Variants in EYS observed in about 807,000 individuals in gnomAD.
EYS encodes the protein EGF-like photoreceptor maintenance factor, also known as protein eyes shut homolog.
In EYS, 250 loss-of-function variants were observed where a neutral mutation model predicts 282.1. That is an observed-to-expected ratio of 0.89 (90% confidence interval 0.80 to 0.98). The LOEUF is 0.98. Among genes scored for constraint, EYS ranks in the 50% least tolerant of loss-of-function variants. The probability of loss-of-function intolerance (pLI) is 0.00; values close to 1 mark genes in which losing one functional copy is unlikely to be tolerated. For missense variants in EYS, 4,016 were observed against 3,709.0 expected, an observed-to-expected ratio of 1.08 and a Z score of -2.15; for synonymous variants, 1,355 against 1,282.9, an observed-to-expected ratio of 1.06 and a Z score of -1.20.
At chr6:64,176,986 C>T (rs905621113) in intron 31 of EYS, among the ~76,000 whole-genome samples, 4 of 148,466 alleles carry the variant, frequency 2.7e-5, no homozygotes, top group African/African-American at 9.9e-5. Context: ...GAAAATTCTC[C>T]CTCCTTTATT....
chr6:65,061,402 T>C (rs559695673), intron 12 of EYS, among the ~76,000 whole-genome samples: 66 of 151,980 alleles, frequency 4.3e-4, no homozygotes, highest in Non-Finnish European at 7.8e-4. Flanking sequence ...TTTTAAATAG[T>C]TTTAGGTTCA....
chr6:64,241,300 A>G (rs1447953559), intron 30 of EYS, among the ~76,000 whole-genome samples: 1 of 152,074 alleles, frequency 6.6e-6, no homozygotes, highest in African/African-American at 2.4e-5. Context: ...TATTGTTTCA[A>G]ATAGTTTCAG....
chr6:65,239,811 T>G (rs911567382), intron 12 of EYS, among the ~76,000 whole-genome samples: 1 of 152,152 alleles, frequency 6.6e-6, no homozygotes, highest in Non-Finnish European at 1.5e-5. Context: ...ATACATGTAA[T>G]TCTAATGGGT....
intron 26 of EYS, among the ~76,000 whole-genome samples, chr6:64,575,008 G>T (rs1765835878): frequency 6.6e-6 from 1 of 152,114 alleles, no homozygotes; most frequent in Non-Finnish European, 1.5e-5. Flanking sequence ...ATCAAAAGAA[G>T]AGAGAAAGTA....
intron 22 of EYS, among the ~76,000 whole-genome samples, chr6:64,697,970 A>C (rs2149921228): frequency 6.6e-6 from 1 of 152,200 alleles, no homozygotes; most frequent in East Asian, 1.9e-4. Flanking sequence ...AAGCAAAAAA[A>C]ATCAAAATTA....
intron 14 of EYS, among the ~76,000 whole-genome samples, chr6:64,948,298 A>G (rs1046585573): frequency 1.3e-5 from 2 of 151,318 alleles, no homozygotes; most frequent in Non-Finnish European, 3.0e-5. Context: ...ACTTGATTCA[A>G]AAGCATTTTC....
intron 15 of EYS, among the ~76,000 whole-genome samples, chr6:64,917,380 G>A (rs1403625612): frequency 6.6e-6 from 1 of 152,070 alleles, no homozygotes; most frequent in Non-Finnish European, 1.5e-5. Flanking sequence ...TCAGCAATAT[G>A]TATCTGTGTT....
chr6:64,822,638 A>T lies in EYS; in HGVS notation c.3164+13T>A. ...TATACTTTCATAAAGCTAATAATAA[A>T]AAAAATAGCTACCTTCCATGTAGAC... On this transcript the variant is annotated intron_variant, in intron 20 of 42. Transcript: ENST00000503581. 1 of 1,514,032 alleles carries T rather than the reference A, an allele frequency of 6.6e-7. No homozygotes were observed. 93.8% of individuals were successfully genotyped at this position (1,514,032 alleles called of 1,614,324 possible).
intron 35 of EYS, among the ~76,000 whole-genome samples, chr6:63,917,368 C>T (rs948943531): frequency 2.6e-5 from 4 of 152,222 alleles, no homozygotes; most frequent in African/African-American, 7.2e-5. Flanking sequence ...AATATTTATA[C>T]TAAAGCTAAC....
chr6:65,139,673 A>G (rs927156980), intron 12 of EYS, among the ~76,000 whole-genome samples: 3 of 152,064 alleles, frequency 2.0e-5, no homozygotes, highest in Non-Finnish European at 4.4e-5. Context: ...CCCATTGGAA[A>G]TGATGCACTC....
intron 35 of EYS, among the ~76,000 whole-genome samples, chr6:63,935,651 C>T (rs1027346677): frequency 1.3e-5 from 2 of 152,192 alleles, no homozygotes; most frequent in Non-Finnish European, 2.9e-5. Flanking sequence ...TGCCAACAGA[C>T]AGGCTTCAGA....
chr6:65,037,595 C>T (rs149409177), intron 13 of EYS, among the ~76,000 whole-genome samples: 1,817 of 151,700 alleles, frequency 0.012, 39 homozygotes, highest in African/African-American at 0.041. Context: ...TGTAACAATA[C>T]GATATTTATA....
chr6:64,395,313 C>G (rs1256112848), intron 28 of EYS, among the ~76,000 whole-genome samples: 1 of 152,126 alleles, frequency 6.6e-6, no homozygotes, highest in Non-Finnish European at 1.5e-5. Context: ...AATCATGCTG[C>G]TATAAAGACG....
At chr6:63,727,091 A>G (rs765975279) in intron 41 of EYS, among the ~76,000 whole-genome samples, 7 of 152,148 alleles carry the variant, frequency 4.6e-5, no homozygotes, top group Non-Finnish European at 7.3e-5. Flanking sequence ...TTCAGCCTCT[A>G]TATTTCTGAT....
chr6:64,039,757 G>T (rs375173406), intron 33 of EYS, among the ~76,000 whole-genome samples: 3 of 152,128 alleles, frequency 2.0e-5, no homozygotes, highest in African/African-American at 7.2e-5. Context: ...GAGGTAGAAA[G>T]TTAGAAAGCT....
At chr6:65,032,846 C>T (rs1372576929) in intron 13 of EYS, among the ~76,000 whole-genome samples, 1 of 152,004 alleles carries the variant, frequency 6.6e-6, no homozygotes, top group African/African-American at 2.4e-5. Context: ...GTTTGGAGGG[C>T]TCAGAAGAAG....
chr6:64,919,798 T>C (rs1768280185), intron 15 of EYS, among the ~76,000 whole-genome samples: 1 of 152,148 alleles, frequency 6.6e-6, no homozygotes, highest in Non-Finnish European at 1.5e-5. Context: ...CAAGCTGCTT[T>C]GTAGGTCAGT....
At chr6:65,412,673 T>A (rs1008881204) in intron 5 of EYS, among the ~76,000 whole-genome samples, 3 of 152,128 alleles carry the variant, frequency 2.0e-5, no homozygotes, top group Non-Finnish European at 4.4e-5. Flanking sequence ...TATTATTTAT[T>A]GAGATTTTTG....
intron 13 of EYS, among the ~76,000 whole-genome samples, chr6:65,040,329 T>C (rs1001735872): frequency 4.0e-5 from 6 of 151,734 alleles, no homozygotes; most frequent in African/African-American, 1.4e-4. Flanking sequence ...CAGTGCTTTG[T>C]TGATAATGTC....
Sources: gnomAD v4.1 joint callset for allele counts (sites outside exome capture counted in the v4.1 genomes callset) on GRCh38, gnomAD v4.1.1 for gene constraint, MANE v1.5 for transcripts, NCBI Gene and HGNC (gene_info 2026-07-23, HGNC 2026-07-21) for gene names.